Variants in C6orf132 observed in about 807,000 individuals in gnomAD.
The protein encoded by C6orf132 is uncharacterized protein C6orf132.
Under a neutral mutation model 65.3 loss-of-function variants are expected in C6orf132, and 43 were observed. The ratio of observed to expected loss-of-function variants is 0.66; its 90% CI spans 0.52 to 0.85. The LOEUF is 0.85. C6orf132 is among the 40% of genes least tolerant of loss of function. The probability of loss-of-function intolerance (pLI) is 0.00; values close to 1 mark genes in which losing one functional copy is unlikely to be tolerated. For missense variants in C6orf132, 1,488 were observed against 1,548.8 expected (o/e 0.96, Z 0.66); for synonymous variants, 631 against 654.1 (o/e 0.96, Z 0.54).
At chr6:42,130,834 A>G (rs1293457012) in intron 1 of C6orf132, among the ~76,000 whole-genome samples, 1 of 149,276 alleles carries the variant, frequency 6.7e-6, no homozygotes, top group Non-Finnish European at 1.5e-5. Context: ...AGAGGTTTCT[A>G]TGTTGCCCAG....
chr6:42,131,873 T>C lies in C6orf132; in HGVS notation c.146-3095A>G, dbSNP rs577389846. Among the ~76,000 whole-genome samples, 537 of 152,270 alleles carry C rather than the reference T, an allele frequency of 3.5e-3. 2 individuals are homozygous for C. The highest frequency in any genetic ancestry group is 4.9e-3 in the Non-Finnish European group (335 of 68,032). ...GGTAGTGGCTGTAGTTGAGGCCGGG[T>C]TGGAAGGCCCAGGTGGCTCCTCTCG... is the stretch of plus-strand genomic sequence containing the variant. On this transcript the variant is annotated intron_variant, in intron 1 of 4. Transcript: ENST00000341865.
intron 2 of C6orf132, among the ~76,000 whole-genome samples, chr6:42,117,328 T>G (rs1766598553): frequency 6.6e-6 from 1 of 152,172 alleles, no homozygotes; most frequent in Admixed American, 6.5e-5. Context: ...ATGAGAAAAC[T>G]GAAGCACAGA....
In C6orf132 at chr6:42,135,157, G is replaced by C. The variant is rs371253199; in HGVS notation, c.146-6379C>G. Among the ~76,000 whole-genome samples the C allele has an allele frequency of 6.1e-4, 93 of 152,308 alleles. 1 individual carries two copies. The highest frequency in any genetic ancestry group is 1.2e-3 in the South Asian group (6 of 4,822). ...TGGTGACACCTGTCCCCACTGGGGA[G>C]AGCCACCGGGAGGCAGGCGGCCCTT... On this transcript the variant is annotated intron_variant, in intron 1 of 4. Coordinates refer to ENST00000341865, the MANE Select transcript of C6orf132 (RefSeq NM_001164446.3).
chr6:42,116,716 A>G (rs764860676), intron 2 of C6orf132, among the ~76,000 whole-genome samples: 4 of 152,130 alleles, frequency 2.6e-5, no homozygotes, highest in South Asian at 2.1e-4. Context: ...AGCTCCTACC[A>G]TCTTCTCCCC....
At chr6:42,107,820 G>C (rs143338709) in intron 3 of C6orf132, among the ~76,000 whole-genome samples, 1 of 152,242 alleles carries the variant, frequency 6.6e-6, no homozygotes, top group South Asian at 2.1e-4. Context: ...TTTGAAGCCT[G>C]TATGGAATTA....
intron 2 of C6orf132, among the ~76,000 whole-genome samples, chr6:42,115,666 T>TAAATA (rs915294667): frequency 1.3e-5 from 2 of 152,040 alleles, no homozygotes; most frequent in African/African-American, 2.4e-5. Flanking sequence ...AATAAATAAA[T>TAAATA]AAATAAAACG....
chr6:42,132,511 T>C (rs1386601292), intron 1 of C6orf132, among the ~76,000 whole-genome samples: 16 of 142,650 alleles, frequency 1.1e-4, no homozygotes, highest in Non-Finnish European at 2.0e-4. Flanking sequence ...TAAGACTTTG[T>C]CTCAAAAAAT....
intron 1 of C6orf132, among the ~76,000 whole-genome samples, chr6:42,132,216 T>C (rs952194967): frequency 1.3e-5 from 2 of 152,040 alleles, no homozygotes; most frequent in African/African-American, 4.8e-5. Flanking sequence ...GTAAATTTGT[T>C]ATCAAAATAA....
In C6orf132 at chr6:42,142,166, C is replaced by T. The variant is rs991191513; in HGVS notation, c.145+134G>A. ...CCCTGTGCGGTGCCTCCTCCCCTGC[C>T]CGGCGGCTGCTCTCGGCCAGTCCGC... On this transcript the variant is annotated intron_variant, in intron 1 of 4. Coordinates refer to ENST00000341865, the MANE Select transcript of C6orf132 (RefSeq NM_001164446.3). The T allele has an allele frequency of 2.5e-5, 25 of 1,019,194 alleles. No homozygotes were observed. In the Admixed American group the frequency reaches 6.4e-4, roughly 26 times the overall value. 63.1% of individuals were successfully genotyped at this position (1,019,194 alleles called of 1,614,324 possible).
At chr6:42,134,757 A>T (rs1269678817) in intron 1 of C6orf132, among the ~76,000 whole-genome samples, 1 of 117,026 alleles carries the variant, frequency 8.5e-6, no homozygotes, top group Non-Finnish European at 1.8e-5. Flanking sequence ...CTGGGTGACA[A>T]GAGCGAAACT....
chr6:42,131,944 G>C (rs1766859743), intron 1 of C6orf132, among the ~76,000 whole-genome samples: 1 of 152,240 alleles, frequency 6.6e-6, no homozygotes, highest in African/African-American at 2.4e-5. Context: ...CCAGTCTGAA[G>C]AGGAGTGGGT....
intron 1 of C6orf132, among the ~76,000 whole-genome samples, chr6:42,131,961 C>T (rs1408690174): frequency 6.6e-6 from 1 of 152,030 alleles, no homozygotes; most frequent in Non-Finnish European, 1.5e-5. Context: ...GGGTAGGGGT[C>T]AGAGAGGGAA....
rs761001773 is a variant in C6orf132, at chr6:42,105,510, A to G, written c.2402T>C (p.Val801Ala). Residue 801 changes from valine to alanine, a missense_variant, in exon 4 of 5, where the codon GTG becomes GCG. Transcript: ENST00000341865. ...CAGCCCTGGGGGCTCCTTCACCTCC[A>G]CGGGCTCCCCTGGCCCTGCAGCCCC... is the stretch of plus-strand genomic sequence containing the variant. ...RGGAAGPGEP[V>A]EVKEPPGLPA... 3 of 1,532,940 alleles carry G rather than the reference A, an allele frequency of 2.0e-6. No homozygotes were observed. In the South Asian group the frequency reaches 3.6e-5, roughly 18 times the overall value. 95.0% of individuals were successfully genotyped at this position (1,532,940 alleles called of 1,614,324 possible).
chr6:42,132,856 C>CGAAAAAA (rs1554183104), intron 1 of C6orf132, among the ~76,000 whole-genome samples: 9 of 91,818 alleles, frequency 9.8e-5, no homozygotes, highest in African/African-American at 4.6e-4. Flanking sequence ...GACTCTGTCT[C>CGAAAAAA]AAAAAAAAAA....
At position 42,106,798 on chromosome 6, in the gene C6orf132, C is replaced by T; in HGVS notation, c.1114G>A (p.Ala372Thr). Residue 372 changes from alanine (A) to threonine (T), a missense_variant, in exon 4 of 5, where the codon GCC (alanine) becomes ACC (threonine). Transcript: ENST00000341865. ...CPGELKATAPASPRLGQSQSQ... is the reference protein window; with the variant it reads ...CPGELKATAPTSPRLGQSQSQ... Reference sequence around the variant, plus strand: ...TGGGACTGGCCAAGCCTTGGGCTGGCTGGTGCTGTGGCCTTGAGCTCCCCA... The same window carrying T: ...TGGGACTGGCCAAGCCTTGGGCTGGTTGGTGCTGTGGCCTTGAGCTCCCCA... 6.5e-7 allele frequency: 1 copy of T among 1,534,796 alleles called. No individual in the cohort carries two copies. The highest frequency in any genetic ancestry group is 8.7e-7 in the Non-Finnish European group (1 of 1,146,754).
intron 1 of C6orf132, among the ~76,000 whole-genome samples, chr6:42,130,095 C>T (rs536125798): frequency 2.0e-5 from 3 of 152,314 alleles, no homozygotes; most frequent in African/African-American, 4.8e-5. Flanking sequence ...TGGTGTCCTC[C>T]GTGTGCTGCC....
At chr6:42,113,252 T>A (rs986074502) in intron 2 of C6orf132, among the ~76,000 whole-genome samples, 1 of 152,186 alleles carries the variant, frequency 6.6e-6, no homozygotes, top group Non-Finnish European at 1.5e-5. Context: ...TTCAACATAA[T>A]TGAAAAGCGG....
At chr6:42,133,719 A>G (rs1424863889) in intron 1 of C6orf132, among the ~76,000 whole-genome samples, 4 of 151,776 alleles carry the variant, frequency 2.6e-5, no homozygotes, top group Admixed American at 2.6e-4. Context: ...CTTTAAATGA[A>G]CCAAATTTCC....
Position 42,106,320 on chromosome 6 carries a change from C to T in C6orf132, c.1592G>A (p.Ser531Asn), listed in dbSNP as rs1167340954. ...CTCTGTCAGGCTGCTGCCGCCAAGA[C>T]TCTTTTCAGGAACACCTGGGGGAGT... ...KDTPPGVPEK[S>N]LGGSSLTETE... The change falls in exon 4 of 5, where the codon AGT becomes AAT. Residue 531 changes from serine (S) to asparagine (N), a missense_variant. Physicochemically the swap from Ser to Asn is conservative, Grantham distance 46. Transcript: ENST00000341865. 6.5e-7 allele frequency: 1 copy of T among 1,536,774 alleles called. No individual in the cohort carries two copies. Among genetic ancestry groups the T allele is most frequent in the Non-Finnish European group, 8.7e-7 (1 of 1,146,884 alleles).
Sources: allele counts gnomAD v4.1 joint callset (sites outside exome capture counted in the v4.1 genomes callset), GRCh38; gene constraint gnomAD v4.1.1; transcripts MANE v1.5; gene names NCBI Gene and HGNC (gene_info 2026-07-23, HGNC 2026-07-21).